The following ATAD2B variants were observed in gnomAD, a reference collection of about 807,000 sequenced individuals.
The protein encoded by ATAD2B is ATPase family AAA domain-containing protein 2B.
In ATAD2B, 40 loss-of-function variants were observed where a neutral mutation model predicts 167.6. The observed-to-expected ratio is 0.24, with a 90% CI of 0.19 to 0.31. The LOEUF (loss-of-function observed/expected upper bound fraction) is 0.31, where lower values mean the gene tolerates loss of function less well. Among genes scored for constraint, ATAD2B ranks in the 10% least tolerant of loss-of-function variants. The pLI is 1.00. For synonymous variants in ATAD2B, 579 were observed against 596.5 expected, an observed-to-expected ratio of 0.97 and a Z score of 0.43; for missense variants, 1,242 against 1,757.2, an observed-to-expected ratio of 0.71 and a Z score of 5.24.
the ATAD2B span, among the ~76,000 whole-genome samples, chr2:23,726,331 G>A: frequency 0.011 from 1,634 of 152,278 alleles, 15 homozygotes; most frequent in Middle Eastern, 0.031. Flanking sequence ...ATAGCCTGCT[G>A]TTGACTAATA....
downstream of ATAD2B, among the ~76,000 whole-genome samples, chr2:23,745,402 AAGG>A (rs1394505494): frequency 8.7e-6 from 1 of 115,344 alleles, no homozygotes; most frequent in Non-Finnish European, 1.9e-5. Context: ...GGAAGGAAGG[AAGG>A]AAGGAAGGAA....
chr2:23,836,567 G>A (rs1359621251), intron 13 of ATAD2B, among the ~76,000 whole-genome samples: 2 of 152,214 alleles, frequency 1.3e-5, no homozygotes, highest in African/African-American at 2.4e-5. Flanking sequence ...ATGCAGACAA[G>A]TGGAGGGTGA....
chr2:23,751,774 T>G lies in ATAD2B; in HGVS notation c.*272A>C. 2.2e-6 allele frequency: 1 copy of G among 456,546 alleles called. No homozygotes were observed. Among genetic ancestry groups the G allele is most frequent in the Non-Finnish European group, 3.9e-6 (1 of 256,242 alleles). 28.3% of individuals were successfully genotyped at this position (456,546 alleles called of 1,614,324 possible). A position where few individuals can be genotyped will look rare whatever the true frequency, so the allele number is the denominator to read the frequency against. On this transcript the variant is annotated 3_prime_UTR_variant, in exon 28 of 28. Coordinates refer to ENST00000238789, the MANE Select transcript of ATAD2B (RefSeq NM_017552.4). The stretch of plus-strand genomic sequence containing the variant: ...AAAAGAGGAGCAGAAGCGAGAGCAG[T>G]TTCTGTAGCACCAAAATCTCCAAGC...
chr2:23,724,490 G>A, the ATAD2B span, among the ~76,000 whole-genome samples: 3 of 152,044 alleles, frequency 2.0e-5, no homozygotes, highest in Non-Finnish European at 4.4e-5. Flanking sequence ...ATTGAAAAGA[G>A]CCTCAGAGAC....
chr2:23,791,058 C>G (rs947722708), intron 19 of ATAD2B, among the ~76,000 whole-genome samples: 1 of 152,214 alleles, frequency 6.6e-6, no homozygotes, highest in Non-Finnish European at 1.5e-5. Context: ...ATACAACTGA[C>G]AGTCTTTTAT....
chr2:23,801,483 T>C (rs1244809641), intron 18 of ATAD2B, among the ~76,000 whole-genome samples: 1 of 150,570 alleles, frequency 6.6e-6, no homozygotes, highest in Non-Finnish European at 1.5e-5. Context: ...CAAGGTGTAG[T>C]AGAAAACAGA....
chr2:23,738,645 C>T, the ATAD2B span, among the ~76,000 whole-genome samples: 3 of 152,160 alleles, frequency 2.0e-5, no homozygotes, highest in African/African-American at 4.8e-5. Flanking sequence ...CATCAACTAA[C>T]GGGCAAAATA....
intron 13 of ATAD2B, among the ~76,000 whole-genome samples, chr2:23,839,313 C>G (rs1690503936): frequency 6.6e-6 from 1 of 152,064 alleles, no homozygotes; most frequent in Admixed American, 6.5e-5. Flanking sequence ...AACAAACATG[C>G]TTGTCATATT....
rs76331980 is a variant in ATAD2B, at chr2:23,751,665, A to G, written c.*381T>C. ...AGTTGCCCACTGTTTAAACAATTCA[A>G]CACAGTTAGAACTGCCCCCATCCAG... On this transcript the variant is annotated 3_prime_UTR_variant, in exon 28 of 28. Coordinates refer to ENST00000238789, the MANE Select transcript of ATAD2B (RefSeq NM_017552.4). 5.0e-6 allele frequency: 1 copy of G among 200,412 alleles called. No homozygotes were observed. Among genetic ancestry groups the G allele is most frequent in the East Asian group, 1.5e-4 (1 of 6,742 alleles). 12.4% of individuals were successfully genotyped at this position (200,412 alleles called of 1,614,324 possible). A position where few individuals can be genotyped will look rare whatever the true frequency, so the allele number is the denominator to read the frequency against.
In ATAD2B at chr2:23,895,941, A is replaced by G. The variant is rs1260463935; in HGVS notation, c.246T>C (p.Asp82=). The G allele has an allele frequency of 5.0e-6, 8 of 1,613,096 alleles. No individual in the cohort carries two copies. Among genetic ancestry groups the G allele is most frequent in the Non-Finnish European group, 6.8e-6 (8 of 1,179,318 alleles). ...GTTTGGCTGGAGGAGATACGTGGCTATCACTTAAACTACCATCAACTTCAA... is the reference window on the plus strand; with the variant it reads ...GTTTGGCTGGAGGAGATACGTGGCTGTCACTTAAACTACCATCAACTTCAA... ...RKVEVDGSLS[D]SHVSPPAKRT... Residue 82 remains aspartate (D), a synonymous_variant, in exon 2 of 28, where the codon GAT becomes GAC. Coordinates refer to ENST00000238789, the MANE Select transcript of ATAD2B (RefSeq NM_017552.4).
At chr2:23,775,997 T>C (rs553487047) in intron 22 of ATAD2B, among the ~76,000 whole-genome samples, 1 of 152,208 alleles carries the variant, frequency 6.6e-6, no homozygotes, top group East Asian at 1.9e-4. Flanking sequence ...ACGCCTGTAA[T>C]CCCAGCTACT....
intron 22 of ATAD2B, among the ~76,000 whole-genome samples, chr2:23,768,626 C>T (rs1223025118): frequency 6.6e-6 from 1 of 151,866 alleles, no homozygotes; most frequent in African/African-American, 2.4e-5. Flanking sequence ...TTTCTTGTGA[C>T]CCTTGATTTT....
At position 23,818,112 on chromosome 2, in the gene ATAD2B, C is replaced by CATT. The variant is rs1289946290; in HGVS notation, c.2267+1634_2267+1635insAAT. ...CACACACATTACACACACACACACA[C>CATT]ACACACACATTACACACACACACAC... On this transcript the variant is annotated intron_variant, in intron 17 of 27. Transcript: ENST00000238789. 4.1e-4 allele frequency among the ~76,000 whole-genome samples: 48 copies of CATT among 115,802 alleles called. 1 individual carries two copies. The highest frequency in any genetic ancestry group is 5.2e-4 in the East Asian group (2 of 3,826). The allele number at this position is 115,802 out of a possible 152,430, so 76.0% of individuals were successfully genotyped here.
intron 13 of ATAD2B, among the ~76,000 whole-genome samples, chr2:23,857,154 T>C (rs1371347279): frequency 1.3e-5 from 2 of 152,182 alleles, no homozygotes; most frequent in South Asian, 2.1e-4. Context: ...TTGTAGCACA[T>C]AAGAAACCAC....
chr2:23,756,283 G>GTAACATTTAA (rs1283482347), intron 25 of ATAD2B, among the ~76,000 whole-genome samples: 1 of 152,020 alleles, frequency 6.6e-6, no homozygotes, highest in Non-Finnish European at 1.5e-5. Flanking sequence ...ATGTTTAACA[G>GTAACATTTAA]GTAGCATTTA....
At chr2:23,917,492 C>T (rs1047879558) in intron 1 of ATAD2B, among the ~76,000 whole-genome samples, 7 of 152,044 alleles carry the variant, frequency 4.6e-5, no homozygotes, top group Admixed American at 6.6e-5. Flanking sequence ...CAGCAATAAA[C>T]GCAAATGTAT....
At chr2:23,763,517 T>C (rs1432280209) in intron 23 of ATAD2B, among the ~76,000 whole-genome samples, 1 of 152,248 alleles carries the variant, frequency 6.6e-6, no homozygotes, top group Non-Finnish European at 1.5e-5. Context: ...TTGCCTTTTC[T>C]GGACATTTTA....
the ATAD2B span, among the ~76,000 whole-genome samples, chr2:23,685,931 G>T: frequency 1.3e-5 from 2 of 152,372 alleles, no homozygotes; most frequent in South Asian, 4.1e-4. Flanking sequence ...GGGCAGGTCA[G>T]TGCTGAGCGG....
intron 20 of ATAD2B, 67 bp downstream of exon 20, chr2:23,788,445 T>G (rs1681149900): frequency 6.6e-7 from 1 of 1,521,620 alleles, no homozygotes; most frequent in Non-Finnish European, 8.9e-7. Context: ...TAAAATAAAC[T>G]GACTCCAAGA....
Sources: allele counts gnomAD v4.1 joint callset (sites outside exome capture counted in the v4.1 genomes callset), GRCh38; gene constraint gnomAD v4.1.1; transcripts MANE v1.5; gene names NCBI Gene and HGNC (gene_info 2026-07-23, HGNC 2026-07-21).